The following NFATC3 variants were observed in gnomAD, a reference collection of about 807,000 sequenced individuals.
NFATC3 encodes nuclear factor of activated T-cells, cytoplasmic 3.
NFATC3 carries 46 observed loss-of-function variants against 98.6 expected under a neutral mutation model. The observed-to-expected ratio is 0.47, with a 90% CI of 0.37 to 0.60. The LOEUF is 0.60. NFATC3 is among the 20% of genes least tolerant of loss of function. The pLI is 0.00. For missense variants in NFATC3, 1,256 were observed against 1,295.5 expected (o/e 0.97, Z 0.47); for synonymous variants, 512 against 472.2 (o/e 1.08, Z -1.09).
intron 3 of NFATC3, among the ~76,000 whole-genome samples, chr16:68,130,913 A>G (rs904640314): frequency 6.6e-6 from 1 of 152,076 alleles, no homozygotes; most frequent in Non-Finnish European, 1.5e-5. Flanking sequence ...CCTTTCCCCA[A>G]TGTATGTTCT....
intron 9 of NFATC3, among the ~76,000 whole-genome samples, chr16:68,213,270 C>T (rs1472964242): frequency 6.6e-6 from 1 of 150,730 alleles, no homozygotes; most frequent in Non-Finnish European, 1.5e-5. Flanking sequence ...AAAAAATTAG[C>T]CGGGCGTGGT....
rs753641806 is a variant in NFATC3, at chr16:68,174,411, G to C, written c.1812G>C (p.Lys604Asn). Reference protein sequence around the residue: ...RSAQELPHIEKYSINSCSVNG... With the variant: ...RSAQELPHIENYSINSCSVNG... Reference sequence around the variant, plus strand: ...CTCAAGAACTTCCTCATATTGAGAAGTACAGTATCAACAGTTGTTCTGTAA... The same window carrying C: ...CTCAAGAACTTCCTCATATTGAGAACTACAGTATCAACAGTTGTTCTGTAA... Residue 604 changes from lysine to asparagine, a missense_variant, in exon 6 of 10, where the codon AAG becomes AAC. This residue lies in a region of NFATC3 where 636 missense variants were observed against 617.3 expected (regional missense o/e 1.03). Coordinates refer to ENST00000346183, the MANE Select transcript of NFATC3 (RefSeq NM_173165.3). The C allele has an allele frequency of 3.8e-6, 6 of 1,594,710 alleles. No individual in the cohort carries two copies. In the South Asian group the frequency reaches 5.8e-5, roughly 15 times the overall value.
rs914449661 is a variant in NFATC3 at position 68,227,164 on chromosome 16, A to G, written c.*693A>G. ...GAGCATAGCCTTTTGGTAACTTTCTAGGTAATCTTGCAATCTCTCCATACT... is the reference window on the plus strand; with the variant it reads ...GAGCATAGCCTTTTGGTAACTTTCTGGGTAATCTTGCAATCTCTCCATACT... On this transcript the variant is annotated 3_prime_UTR_variant, in exon 10 of 10. Transcript: ENST00000346183. 1.1e-4 allele frequency: 16 copies of G among 152,278 alleles called. No homozygotes were observed. The highest frequency in any genetic ancestry group is 6.8e-3 in the Middle Eastern group (2 of 294). The allele number at this position is 152,278 out of a possible 1,614,324, so 9.4% of individuals were successfully genotyped here.
At chr16:68,151,791 G>A (rs1002387258) in intron 3 of NFATC3, among the ~76,000 whole-genome samples, 5 of 152,206 alleles carry the variant, frequency 3.3e-5, no homozygotes, top group South Asian at 2.1e-4. Flanking sequence ...ATTCTAAGTC[G>A]GGCACAGTGG....
At chr16:68,129,866 A>T (rs995780159) in intron 3 of NFATC3, among the ~76,000 whole-genome samples, 3 of 151,550 alleles carry the variant, frequency 2.0e-5, no homozygotes, top group Admixed American at 2.0e-4. Flanking sequence ...ATTTGTGGAG[A>T]CAGTCTTGAT....
chr16:68,104,653 G>GTTT (rs778016298), intron 1 of NFATC3, among the ~76,000 whole-genome samples: 8 of 126,694 alleles, frequency 6.3e-5, no homozygotes, highest in African/African-American at 1.6e-4. Context: ...TTCACAAATG[G>GTTT]TTTTTTTTTT....
At chr16:68,180,156 G>A (rs565595724) in intron 6 of NFATC3, among the ~76,000 whole-genome samples, 1 of 152,248 alleles carries the variant, frequency 6.6e-6, no homozygotes, top group South Asian at 2.1e-4. Context: ...AGACCATGAA[G>A]TCTAAAATAT....
At chr16:68,171,065 T>A (rs2039436761) in intron 5 of NFATC3, among the ~76,000 whole-genome samples, 1 of 152,168 alleles carries the variant, frequency 6.6e-6, no homozygotes, top group South Asian at 2.1e-4. Flanking sequence ...TGGAGTACAG[T>A]GGCACGATCT....
chr16:68,136,473 T>C (rs1370540851), intron 3 of NFATC3, among the ~76,000 whole-genome samples: 2 of 152,166 alleles, frequency 1.3e-5, no homozygotes, highest in East Asian at 3.9e-4. Flanking sequence ...TTTGCCATGT[T>C]GGGCAGGCTG....
chr16:68,191,743 C>T lies in NFATC3; in HGVS notation c.3074C>T (p.Thr1025Ile), dbSNP rs2040418372. Residue 1025 changes from threonine to isoleucine, a missense_variant, in exon 9 of 10, where the codon ACC (threonine) becomes ATC (isoleucine). By Grantham distance (89) the Thr-to-Ile change is moderately conservative. This residue lies in a region of NFATC3 where 636 missense variants were observed against 617.3 expected (regional missense o/e 1.03). Transcript: ENST00000346183. Reference sequence around the variant, plus strand: ...GAAGATCGAGAGCCTAACTTTGCAACCATTGGTCTGCAGGACATCACTTTA... The same window carrying T: ...GAAGATCGAGAGCCTAACTTTGCAATCATTGGTCTGCAGGACATCACTTTA... ...EPEDREPNFATIGLQDITLDD... is the reference protein window; with the variant it reads ...EPEDREPNFAIIGLQDITLDD... The T allele has an allele frequency of 6.2e-7, 1 of 1,614,124 alleles. No individual in the cohort carries two copies. Among genetic ancestry groups the T allele is most frequent in the Non-Finnish European group, 8.5e-7 (1 of 1,180,026 alleles).
At chr16:68,173,735 A>G (rs769450388) in intron 5 of NFATC3, among the ~76,000 whole-genome samples, 2 of 152,250 alleles carry the variant, frequency 1.3e-5, no homozygotes, top group Admixed American at 6.5e-5. Context: ...GGATAGTTGC[A>G]TAGAAGAAAC....
At chr16:68,186,877 T>G (rs1305751449) in intron 8 of NFATC3, among the ~76,000 whole-genome samples, 1 of 152,272 alleles carries the variant, frequency 6.6e-6, no homozygotes, top group Non-Finnish European at 1.5e-5. Flanking sequence ...TTTAAAATTT[T>G]ACTTATACAA....
chr16:68,182,711 G>A (rs1400502717), intron 7 of NFATC3, among the ~76,000 whole-genome samples: 2 of 151,798 alleles, frequency 1.3e-5, no homozygotes, highest in African/African-American at 2.4e-5. Flanking sequence ...TAGAGATAGG[G>A]TTTTAACATG....
Position 68,122,214 on chromosome 16 carries a change from AT to A in NFATC3, c.333del (p.Gln112LysfsTer13). The A allele has an allele frequency of 6.2e-7, 1 of 1,614,182 alleles. No homozygotes were observed. The highest frequency in any genetic ancestry group is 8.5e-7 in the Non-Finnish European group (1 of 1,180,026). ...TCCCAAACCCTTTGAGTGCCCAAGT[AT>A]TCAAATTACATCTATCTCTCCTAAC... ...GGPKPFECPS[I>X]QITSISPNCH... On this transcript the variant is annotated frameshift_variant, in exon 2 of 10. Coordinates refer to ENST00000346183, the MANE Select transcript of NFATC3 (RefSeq NM_173165.3). LOFTEE classifies it high-confidence loss of function.
intron 3 of NFATC3, among the ~76,000 whole-genome samples, chr16:68,128,014 A>G (rs780364993): frequency 6.6e-6 from 1 of 151,408 alleles, no homozygotes; most frequent in Non-Finnish European, 1.5e-5. Context: ...TTTTGTTTTT[A>G]TGTAAGGAGG....
chr16:68,140,373 A>G (rs772902671), intron 3 of NFATC3, among the ~76,000 whole-genome samples: 2 of 152,232 alleles, frequency 1.3e-5, no homozygotes. Flanking sequence ...AGGGAAAAGT[A>G]TTAAGTAGAG....
intron 1 of NFATC3, among the ~76,000 whole-genome samples, chr16:68,098,114 A>C (rs1188930700): frequency 6.6e-6 from 1 of 151,942 alleles, no homozygotes; most frequent in Non-Finnish European, 1.5e-5. Context: ...CTGTTGATGG[A>C]CTTTTGGATT....
At chr16:68,120,384 C>T (rs1276122362) in intron 1 of NFATC3, among the ~76,000 whole-genome samples, 1 of 151,322 alleles carries the variant, frequency 6.6e-6, no homozygotes, top group Non-Finnish European at 1.5e-5. Context: ...TTGAGACCAG[C>T]CTGGACAACA....
intron 5 of NFATC3, among the ~76,000 whole-genome samples, chr16:68,172,879 A>C (rs1008819481): frequency 3.3e-5 from 5 of 152,198 alleles, no homozygotes; most frequent in African/African-American, 4.8e-5. Flanking sequence ...GAAATGCCAG[A>C]AATAGAATCT....
Sources: allele counts gnomAD v4.1 joint callset (sites outside exome capture counted in the v4.1 genomes callset), GRCh38; gene constraint gnomAD v4.1.1; regional missense constraint gnomAD v4.1.1; transcripts MANE v1.5; gene names NCBI Gene and HGNC (gene_info 2026-07-23, HGNC 2026-07-21).